PRKCE: variants seen among roughly 807,000 people sequenced by gnomAD.
PRKCE encodes protein kinase C epsilon type.
A neutral mutation model predicts 85.4 loss-of-function variants in PRKCE; 16 were observed. That is an observed-to-expected ratio of 0.19 (90% CI 0.13 to 0.28). The LOEUF (loss-of-function observed/expected upper bound fraction) is 0.28, where lower values mean the gene tolerates loss of function less well. Among genes scored for constraint, PRKCE ranks in the 10% least tolerant of loss-of-function variants. The probability of loss-of-function intolerance (pLI) is 1.00; values close to 1 mark genes in which losing one functional copy is unlikely to be tolerated. For missense variants in PRKCE, 573 were observed against 975.2 expected (o/e 0.59, Z 5.49); for synonymous variants, 388 against 371.5 (o/e 1.04, Z -0.51).
intron 1 of PRKCE, among the ~76,000 whole-genome samples, chr2:45,781,178 A>T (rs1264235803): frequency 6.7e-6 from 1 of 148,970 alleles, no homozygotes; most frequent in Non-Finnish European, 1.5e-5. Context: ...TCTACAAAAT[A>T]ATAATAAAAA....
intron 14 of PRKCE, among the ~76,000 whole-genome samples, chr2:46,181,987 G>T (rs890054858): frequency 6.6e-6 from 1 of 152,148 alleles, no homozygotes; most frequent in African/African-American, 2.4e-5. Flanking sequence ...ACATACCTGG[G>T]CAAGGCTCGT....
intron 10 of PRKCE, among the ~76,000 whole-genome samples, chr2:46,057,512 G>A (rs184398502): frequency 2.7e-5 from 4 of 150,840 alleles, no homozygotes; most frequent in Admixed American, 2.6e-4. Context: ...TCAGTTCACT[G>A]CAACCTCCAC....
chr2:46,104,147 C>G (rs1386138092), intron 11 of PRKCE, among the ~76,000 whole-genome samples: 1 of 152,188 alleles, frequency 6.6e-6, no homozygotes, highest in Non-Finnish European at 1.5e-5. Flanking sequence ...TATTCTGGCA[C>G]TGCTGCTCTA....
At chr2:46,023,089 CAAA>C (rs397984467) in intron 10 of PRKCE, among the ~76,000 whole-genome samples, 71 of 71,508 alleles carry the variant, frequency 9.9e-4, no homozygotes, top group African/African-American at 4.1e-3. Context: ...GACTCCGTCT[CAAA>C]AAAAAAAAAA....
At chr2:45,926,182 C>T (rs1573904151) in intron 2 of PRKCE, among the ~76,000 whole-genome samples, 1 of 152,184 alleles carries the variant, frequency 6.6e-6, no homozygotes. Flanking sequence ...GCCTGCTGCT[C>T]AGCGGCTGAC....
At chr2:46,137,319 T>G (rs1335306793) in intron 11 of PRKCE, among the ~76,000 whole-genome samples, 3 of 152,180 alleles carry the variant, frequency 2.0e-5, no homozygotes, top group Admixed American at 6.5e-5. Flanking sequence ...TCAGATCACA[T>G]GTAGGCACAA....
At chr2:45,810,246 G>T (rs1172460154) in intron 1 of PRKCE, among the ~76,000 whole-genome samples, 1 of 151,958 alleles carries the variant, frequency 6.6e-6, no homozygotes, top group African/African-American at 2.4e-5. Context: ...TCACCATGTT[G>T]GCCAGGCTGG....
intron 1 of PRKCE, among the ~76,000 whole-genome samples, chr2:45,757,136 T>A (rs1043758592): frequency 2.0e-5 from 3 of 151,774 alleles, no homozygotes; most frequent in Admixed American, 2.0e-4. Flanking sequence ...GTGAGACACC[T>A]GTATCACGCT....
chr2:45,749,318 A>T (rs1277045238), intron 1 of PRKCE, among the ~76,000 whole-genome samples: 1 of 152,254 alleles, frequency 6.6e-6, no homozygotes, highest in Non-Finnish European at 1.5e-5. Context: ...GCTATAAGCA[A>T]ATTCTGTAGT....
At chr2:46,022,336 A>G (rs1056992592) in intron 10 of PRKCE, among the ~76,000 whole-genome samples, 1 of 152,222 alleles carries the variant, frequency 6.6e-6, no homozygotes, top group Non-Finnish European at 1.5e-5. Context: ...GACCTGTGAC[A>G]ATGCAATTCA....
intron 2 of PRKCE, among the ~76,000 whole-genome samples, chr2:45,967,496 TG>T (rs1377383587): frequency 6.6e-6 from 1 of 152,142 alleles, no homozygotes; most frequent in Non-Finnish European, 1.5e-5. Context: ...TTGCGAAGCC[TG>T]GTATGCTTAG....
intron 1 of PRKCE, among the ~76,000 whole-genome samples, chr2:45,827,661 T>C (rs1354493756): frequency 6.6e-6 from 1 of 152,262 alleles, no homozygotes; most frequent in African/African-American, 2.4e-5. Context: ...TTGGACAGTT[T>C]AGTGCACCAT....
intron 6 of PRKCE, among the ~76,000 whole-genome samples, chr2:45,986,883 G>A (rs916551921): frequency 6.6e-6 from 1 of 152,132 alleles, no homozygotes; most frequent in African/African-American, 2.4e-5. Flanking sequence ...GAATCCTGTA[G>A]GTGAGGTGAA....
chr2:46,114,641 G>A (rs1329559910), intron 11 of PRKCE, among the ~76,000 whole-genome samples: 2 of 150,938 alleles, frequency 1.3e-5, no homozygotes, highest in South Asian at 2.1e-4. Context: ...GGATGGTCTC[G>A]ATCTCCTGAC....
At chr2:45,936,031 C>T (rs969711537) in intron 2 of PRKCE, among the ~76,000 whole-genome samples, 2 of 152,164 alleles carry the variant, frequency 1.3e-5, no homozygotes, top group Non-Finnish European at 2.9e-5. Flanking sequence ...AGTGTGTGCT[C>T]GTAGGAGACC....
intron 11 of PRKCE, among the ~76,000 whole-genome samples, chr2:46,135,264 CA>C (rs1230602953): frequency 6.6e-6 from 1 of 152,236 alleles, no homozygotes; most frequent in Non-Finnish European, 1.5e-5. Context: ...ACCACCCCAA[CA>C]ACTACAACTG....
intron 11 of PRKCE, among the ~76,000 whole-genome samples, chr2:46,133,154 T>C (rs1385730904): frequency 1.3e-5 from 2 of 152,244 alleles, no homozygotes; most frequent in African/African-American, 4.8e-5. Context: ...CCGGGAATTC[T>C]GGACCCGGTA....
chr2:45,908,844 T>G (rs984811003), intron 2 of PRKCE, among the ~76,000 whole-genome samples: 31 of 152,184 alleles, frequency 2.0e-4, no homozygotes, highest in African/African-American at 7.2e-4. Context: ...ACCACAGAGA[T>G]GGGGGCAGAC....
chr2:45,744,022 A>G (rs1682814058), intron 1 of PRKCE, among the ~76,000 whole-genome samples: 1 of 147,898 alleles, frequency 6.8e-6, no homozygotes, highest in African/African-American at 2.5e-5. Flanking sequence ...CAGATAATGC[A>G]TCTAATAAAA....
Sources: allele counts gnomAD v4.1 joint callset (sites outside exome capture counted in the v4.1 genomes callset), GRCh38; gene constraint gnomAD v4.1.1; transcripts MANE v1.5; gene names NCBI Gene and HGNC (gene_info 2026-07-23, HGNC 2026-07-21).